PEBP4: variants seen among roughly 807,000 people sequenced by gnomAD.
The protein encoded by PEBP4 is phosphatidylethanolamine-binding protein 4.
PEBP4 carries 22 observed loss-of-function variants against 23.9 expected under a neutral mutation model. That is an observed-to-expected ratio of 0.92 (90% CI 0.66 to 1.31). The LOEUF is 1.31. Ranked by LOEUF, PEBP4 falls within the 40% of genes most tolerant of loss-of-function variation. PEBP4 has a pLI of 0.00. For missense variants in PEBP4, 324 were observed against 281.7 expected, an observed-to-expected ratio of 1.15 and a Z score of -1.07; for synonymous variants, 112 against 99.3, an observed-to-expected ratio of 1.13 and a Z score of -0.76.
chr8:22,735,653 G>C (rs1191690638), intron 4 of PEBP4, among the ~76,000 whole-genome samples: 2 of 152,212 alleles, frequency 1.3e-5, no homozygotes, highest in Admixed American at 6.5e-5. Flanking sequence ...CAAATGATCA[G>C]TAACTGTGTC....
At chr8:22,913,329 T>G (rs899173096) in intron 3 of PEBP4, among the ~76,000 whole-genome samples, 8 of 152,174 alleles carry the variant, frequency 5.3e-5, no homozygotes, top group African/African-American at 1.9e-4. Flanking sequence ...TGGAGCCTGG[T>G]GACTCCTGCT....
intron 4 of PEBP4, among the ~76,000 whole-genome samples, chr8:22,769,514 CCTTT>C (rs761959101): frequency 1.5e-4 from 23 of 152,276 alleles, no homozygotes; most frequent in Non-Finnish European, 2.2e-4. Flanking sequence ...GCCTCAGTTT[CCTTT>C]CTGAGACCCT....
chr8:22,891,623 G>A (rs1214863342), intron 3 of PEBP4, among the ~76,000 whole-genome samples: 1 of 152,232 alleles, frequency 6.6e-6, no homozygotes, highest in Non-Finnish European at 1.5e-5. Flanking sequence ...TATTTATAGG[G>A]AAGTCTCAGA....
At chr8:22,852,233 T>C (rs909046297) in intron 3 of PEBP4, among the ~76,000 whole-genome samples, 7 of 152,230 alleles carry the variant, frequency 4.6e-5, no homozygotes, top group African/African-American at 1.7e-4. Flanking sequence ...CAATATTTAA[T>C]TTCAAACTCC....
At chr8:22,725,571 G>C (rs1804607856) in intron 5 of PEBP4, among the ~76,000 whole-genome samples, 1 of 152,010 alleles carries the variant, frequency 6.6e-6, no homozygotes, top group Admixed American at 6.5e-5. Flanking sequence ...TTTGGGGCGG[G>C]GGAAGTGGGG....
At chr8:22,750,558 T>G (rs1037819655) in intron 4 of PEBP4, among the ~76,000 whole-genome samples, 3 of 152,248 alleles carry the variant, frequency 2.0e-5, no homozygotes, top group Admixed American at 6.5e-5. Flanking sequence ...TTTTAGGTAC[T>G]TGTTGATCTG....
rs548153854 is a variant in PEBP4, at chr8:22,822,792, C to T, written c.259-5057G>A. On this transcript the variant is annotated intron_variant, in intron 3 of 6. Coordinates refer to ENST00000256404, the MANE Select transcript of PEBP4 (RefSeq NM_144962.3). ...AGAAAACAAAAACATTATTGATGCA[C>T]AAAAGAAGGAAACTTGGATAGAAAA... Among the ~76,000 whole-genome samples the T allele has an allele frequency of 1.3e-4, 19 of 151,918 alleles. No individual in the cohort carries two copies. In the South Asian group the frequency reaches 3.7e-3, roughly 30 times the overall value.
intron 2 of PEBP4, 113 bp downstream of exon 2, chr8:22,927,471 C>A (rs886409874): frequency 2.0e-5 from 26 of 1,320,820 alleles, no homozygotes; most frequent in Admixed American, 1.7e-4. Flanking sequence ...TTCTGCCTTC[C>A]CATAAAATCA....
intron 3 of PEBP4, among the ~76,000 whole-genome samples, chr8:22,891,840 G>A (rs899186387): frequency 1.3e-5 from 2 of 152,224 alleles, no homozygotes; most frequent in African/African-American, 4.8e-5. Flanking sequence ...TCGGGAGGCC[G>A]AGGCGGACGG....
intron 3 of PEBP4, among the ~76,000 whole-genome samples, chr8:22,843,893 G>A (rs73553892): frequency 0.036 from 5,551 of 152,210 alleles, 247 homozygotes; most frequent in African/African-American, 0.1. Context: ...CTCCTCTGAC[G>A]GCTCTGAAGC....
chr8:22,796,409 G>A (rs925357065), intron 4 of PEBP4, among the ~76,000 whole-genome samples: 3 of 152,178 alleles, frequency 2.0e-5, no homozygotes, highest in African/African-American at 7.2e-5. Flanking sequence ...CTCAGAAGGT[G>A]TGCTCAGTAA....
At chr8:22,876,672 GT>G (rs1808129063) in intron 3 of PEBP4, among the ~76,000 whole-genome samples, 1 of 152,222 alleles carries the variant, frequency 6.6e-6, no homozygotes, top group South Asian at 2.1e-4. Context: ...CGCTTGTGTT[GT>G]TGTGAAAATA....
At chr8:22,937,553 A>T (rs145976350) in intron 1 of PEBP4, among the ~76,000 whole-genome samples, 10 of 151,316 alleles carry the variant, frequency 6.6e-5, no homozygotes, top group African/African-American at 2.2e-4. Context: ...GAAAATGTCA[A>T]TTTTTTTTTA....
chr8:22,866,839 T>C (rs1012205004), intron 3 of PEBP4, among the ~76,000 whole-genome samples: 3 of 152,132 alleles, frequency 2.0e-5, no homozygotes, highest in African/African-American at 7.2e-5. Context: ...GTTATTAAAA[T>C]ACAGCTTGAA....
chr8:22,801,353 T>C (rs983410321), intron 4 of PEBP4, among the ~76,000 whole-genome samples: 1 of 152,120 alleles, frequency 6.6e-6, no homozygotes, highest in African/African-American at 2.4e-5. Flanking sequence ...AGAGCAGTCG[T>C]ATGGACCCAG....
intron 3 of PEBP4, among the ~76,000 whole-genome samples, chr8:22,866,219 T>A (rs1460618682): frequency 6.6e-6 from 1 of 152,200 alleles, no homozygotes; most frequent in African/African-American, 2.4e-5. Flanking sequence ...TCAGCCTGCG[T>A]TAGCTAATAT....
At position 22,865,802 on chromosome 8, in the gene PEBP4, G is replaced by C. The variant is rs1018762512; in HGVS notation, c.259-48067C>G. 1.3e-5 allele frequency among the ~76,000 whole-genome samples: 2 copies of C among 152,192 alleles called. No homozygotes were observed. The highest frequency in any genetic ancestry group is 4.1e-4 in the South Asian group (2 of 4,836). On this transcript the variant is annotated intron_variant, in intron 3 of 6. Transcript: ENST00000256404. The surrounding 1 kb of genome is among the most constrained non-coding windows in gnomAD (Gnocchi z 6.9). The stretch of plus-strand genomic sequence containing the variant: ...GGCGGCCACTCCCGGGGGCGCGAGC[G>C]GCGGCGCCTAGAGGGACCCCCACCC...
chr8:22,807,420 G>T (rs1261044126), intron 4 of PEBP4, among the ~76,000 whole-genome samples: 1 of 152,122 alleles, frequency 6.6e-6, no homozygotes, highest in African/African-American at 2.4e-5. Context: ...CTTCAAGTAG[G>T]AAAGCAATAT....
intron 3 of PEBP4, among the ~76,000 whole-genome samples, chr8:22,911,807 T>G (rs1808943654): frequency 6.6e-6 from 1 of 152,222 alleles, no homozygotes; most frequent in Non-Finnish European, 1.5e-5. Context: ...CAACCCAGGA[T>G]GCAAATCCAT....
Sources: gnomAD v4.1 joint callset for allele counts (sites outside exome capture counted in the v4.1 genomes callset) on GRCh38, gnomAD v4.1.1 for gene constraint, Gnocchi (gnomAD v3.1) non-coding constraint, MANE v1.5 for transcripts, NCBI Gene and HGNC (gene_info 2026-07-23, HGNC 2026-07-21) for gene names.